PIP4K2A: variants seen among roughly 807,000 people sequenced by gnomAD.
PIP4K2A encodes the protein phosphatidylinositol-5-phosphate 4-kinase type 2 alpha.
PIP4K2A carries 14 observed loss-of-function variants against 42.9 expected under a neutral mutation model. The observed-to-expected ratio is 0.33, with a 90% CI of 0.22 to 0.51. The LOEUF (loss-of-function observed/expected upper bound fraction) is 0.51, where lower values mean the gene tolerates loss of function less well. Ranked by LOEUF, PIP4K2A falls within the 20% of genes least tolerant of loss-of-function variation. The pLI is 0.97. For synonymous variants in PIP4K2A, 192 were observed against 192.2 expected, an observed-to-expected ratio of 1.00 and a Z score of 0.01; for missense variants, 434 against 519.8, an observed-to-expected ratio of 0.83 and a Z score of 1.61.
At chr10:22,603,830 A>T (rs970479454) in intron 3 of PIP4K2A, among the ~76,000 whole-genome samples, 1 of 152,222 alleles carries the variant, frequency 6.6e-6, no homozygotes, top group Non-Finnish European at 1.5e-5. Flanking sequence ...ACACACCTTT[A>T]AAGTATGACG....
intron 7 of PIP4K2A, among the ~76,000 whole-genome samples, chr10:22,543,411 T>TA (rs1002367924): frequency 6.6e-6 from 1 of 152,182 alleles, no homozygotes; most frequent in Non-Finnish European, 1.5e-5. Flanking sequence ...ACACAAATCT[T>TA]ACACTCAAAT....
Position 22,550,778 on chromosome 10 carries a change from A to G in PIP4K2A, c.679-6T>C, listed in dbSNP as rs771230836. On this transcript the variant is annotated splice_region_variant and splice_polypyrimidine_tract_variant and intron_variant, in intron 6 of 9. Coordinates refer to ENST00000376573, the MANE Select transcript of PIP4K2A (RefSeq NM_005028.5). ...AGAGTTGGCAGTTCTTTGGCCTAAAACAAATGAGAAAAACAATGACAAAGG... is the reference window on the plus strand; with the variant it reads ...AGAGTTGGCAGTTCTTTGGCCTAAAGCAAATGAGAAAAACAATGACAAAGG... 3 of 1,523,832 alleles carry G rather than the reference A, an allele frequency of 2.0e-6. No homozygotes were observed. Among genetic ancestry groups the G allele is most frequent in the South Asian group, 2.2e-5 (2 of 88,938 alleles). The allele number at this position is 1,523,832 out of a possible 1,614,324, so 94.4% of individuals were successfully genotyped here.
chr10:22,643,296 G>C (rs925558924), intron 1 of PIP4K2A, among the ~76,000 whole-genome samples: 3 of 152,180 alleles, frequency 2.0e-5, no homozygotes, highest in Non-Finnish European at 2.9e-5. Context: ...TATTGGAACA[G>C]AGCCAGGCCC....
chr10:22,674,347 G>A (rs1354068843), intron 1 of PIP4K2A, among the ~76,000 whole-genome samples: 1 of 140,550 alleles, frequency 7.1e-6, no homozygotes, highest in Non-Finnish European at 1.5e-5. Flanking sequence ...GTATATACCA[G>A]ACACTGTGAC....
At chr10:22,546,565 C>T (rs963483189) in intron 7 of PIP4K2A, among the ~76,000 whole-genome samples, 1 of 152,116 alleles carries the variant, frequency 6.6e-6, no homozygotes, top group African/African-American at 2.4e-5. Context: ...GCATGCACCA[C>T]CACGTTTGGC....
intron 1 of PIP4K2A, among the ~76,000 whole-genome samples, chr10:22,710,529 C>T (rs929459292): frequency 6.6e-6 from 1 of 152,170 alleles, no homozygotes; most frequent in Non-Finnish European, 1.5e-5. Context: ...ATACAGGAAC[C>T]GTTCATTCCC....
chr10:22,617,869 C>A (rs369475063), intron 1 of PIP4K2A, among the ~76,000 whole-genome samples: 13 of 152,218 alleles, frequency 8.5e-5, no homozygotes, highest in African/African-American at 3.1e-4. Context: ...CACTTTATCT[C>A]CCAAGATACA....
intron 1 of PIP4K2A, among the ~76,000 whole-genome samples, chr10:22,624,317 T>C (rs146218842): frequency 1.5e-3 from 221 of 152,266 alleles, no homozygotes; most frequent in African/African-American, 5.1e-3. Flanking sequence ...TAAAAACCAA[T>C]ATGGCATCAA....
chr10:22,700,528 C>T (rs1001861368), intron 1 of PIP4K2A, among the ~76,000 whole-genome samples: 1 of 152,204 alleles, frequency 6.6e-6, no homozygotes, highest in African/African-American at 2.4e-5. Context: ...GCTGCTAGCA[C>T]ACAGGCACCT....
At chr10:22,595,068 A>C (rs866038003) in intron 3 of PIP4K2A, among the ~76,000 whole-genome samples, 2 of 152,222 alleles carry the variant, frequency 1.3e-5, no homozygotes, top group Non-Finnish European at 1.5e-5. Flanking sequence ...TACATAAATC[A>C]AGTGTATTAA....
chr10:22,700,503 A>C (rs1833693365), intron 1 of PIP4K2A, among the ~76,000 whole-genome samples: 1 of 152,206 alleles, frequency 6.6e-6, no homozygotes, highest in South Asian at 2.1e-4. Context: ...GAGAAAAGCA[A>C]GGCAAACCAG....
chr10:22,682,563 T>G (rs962633921), intron 1 of PIP4K2A, among the ~76,000 whole-genome samples: 1 of 152,184 alleles, frequency 6.6e-6, no homozygotes, highest in Non-Finnish European at 1.5e-5. Flanking sequence ...ACTTGACACT[T>G]GAGAGTTTAG....
At chr10:22,595,510 C>A (rs1262966793) in intron 3 of PIP4K2A, among the ~76,000 whole-genome samples, 5 of 152,130 alleles carry the variant, frequency 3.3e-5, no homozygotes, top group Non-Finnish European at 7.3e-5. Context: ...GTAGTCTCAG[C>A]GCTTTGGGGG....
intron 1 of PIP4K2A, among the ~76,000 whole-genome samples, chr10:22,628,488 A>G (rs117580107): frequency 1.3e-5 from 2 of 152,318 alleles, no homozygotes; most frequent in East Asian, 1.9e-4. Context: ...TAATGTGAAG[A>G]GGTTTATTGT....
At chr10:22,644,462 T>A (rs1431103963) in intron 1 of PIP4K2A, among the ~76,000 whole-genome samples, 1 of 152,094 alleles carries the variant, frequency 6.6e-6, no homozygotes, top group East Asian at 1.9e-4. Flanking sequence ...CCTGCCCAAC[T>A]CCTCTACAAG....
rs976363256 is a variant in PIP4K2A, at chr10:22,556,632, T to C, written c.679-5860A>G. ...TTATAATAGTGGATAATTTAGTGAA[T>C]GCTGTTTTGCTGACCTAAAGCAAAA... is the stretch of plus-strand genomic sequence containing the variant. On this transcript the variant is annotated intron_variant, in intron 6 of 9. Transcript: ENST00000376573. Among the ~76,000 whole-genome samples the C allele has an allele frequency of 1.3e-5, 2 of 152,208 alleles. 1 individual carries two copies. Among genetic ancestry groups the C allele is most frequent in the East Asian group, 3.8e-4 (2 of 5,202 alleles).
intron 1 of PIP4K2A, among the ~76,000 whole-genome samples, chr10:22,642,534 A>G (rs1040183900): frequency 1.4e-5 from 2 of 146,810 alleles, no homozygotes; most frequent in African/African-American, 5.0e-5. Context: ...AGTATCTATA[A>G]CAGTGTATTT....
intron 1 of PIP4K2A, among the ~76,000 whole-genome samples, chr10:22,694,831 A>G (rs1839938562): frequency 6.6e-6 from 1 of 152,116 alleles, no homozygotes; most frequent in South Asian, 2.1e-4. Flanking sequence ...AAAGTTTTTT[A>G]TTTTCAACCC....
chr10:22,567,742 G>C (rs1307793671), intron 6 of PIP4K2A, 109 bp downstream of exon 6: 1 of 946,370 alleles, frequency 1.1e-6, no homozygotes, highest in Non-Finnish European at 1.8e-6. Context: ...ATGGGGAACA[G>C]GAAGAACCAC....
Sources: allele counts gnomAD v4.1 joint callset (sites outside exome capture counted in the v4.1 genomes callset), GRCh38; gene constraint gnomAD v4.1.1; transcripts MANE v1.5; gene names NCBI Gene and HGNC (gene_info 2026-07-23, HGNC 2026-07-21).